Variants in DMD observed in about 807,000 individuals in gnomAD.
The protein encoded by DMD is mutant dystrophin.
DMD carries 63 observed loss-of-function variants against 330.1 expected under a neutral mutation model. That is an observed-to-expected ratio of 0.19 (90% CI 0.16 to 0.24). The LOEUF is 0.24. Ranked by LOEUF, DMD falls within the 10% of genes least tolerant of loss-of-function variation. The pLI is 1.00. For missense variants in DMD, 3,344 were observed against 2,684.1 expected, an observed-to-expected ratio of 1.25 and a Z score of -5.43; for synonymous variants, 1,223 against 959.8, an observed-to-expected ratio of 1.27 and a Z score of -5.07.
intron 55 of DMD, among the ~76,000 whole-genome samples, chrX:31,601,723 A>G (rs185029679): frequency 1.7e-4 from 19 of 111,939 alleles, no homozygotes; most frequent in Non-Finnish European, 7.5e-5. Flanking sequence ...GTAAAAAAGG[A>G]AAAAGGTGGT....
chrX:31,551,977 G>A (rs1420881895), intron 55 of DMD, among the ~76,000 whole-genome samples: 2 of 111,991 alleles, frequency 1.8e-5, no homozygotes, highest in African/African-American at 3.2e-5. Context: ...CCTAACTTTC[G>A]ACACATAATC....
intron 7 of DMD, among the ~76,000 whole-genome samples, chrX:32,702,380 C>T (rs1296765776): frequency 9.0e-6 from 1 of 111,010 alleles, no homozygotes; most frequent in Non-Finnish European, 1.9e-5. Context: ...GAAGAGTATT[C>T]GGGGCAGTGG....
At chrX:31,415,889 C>G (rs752392566) in intron 60 of DMD, among the ~76,000 whole-genome samples, 2 of 110,854 alleles carry the variant, frequency 1.8e-5, no homozygotes, top group Non-Finnish European at 3.8e-5. Context: ...CCAGGGGATT[C>G]TGATATGTGG....
At chrX:32,684,510 C>G (rs1453564901) in intron 9 of DMD, among the ~76,000 whole-genome samples, 1 of 111,110 alleles carries the variant, frequency 9.0e-6, no homozygotes, top group Non-Finnish European at 1.9e-5. Flanking sequence ...GATTATTACT[C>G]CTAAATTTAA....
At chrX:31,687,148 G>T (rs1237674311) in intron 52 of DMD, among the ~76,000 whole-genome samples, 1 of 111,406 alleles carries the variant, frequency 9.0e-6, no homozygotes, top group African/African-American at 3.3e-5. Flanking sequence ...GGCCTTGAAC[G>T]TTGAATAACC....
chrX:33,014,380 C>T (rs2093759597), intron 2 of DMD, among the ~76,000 whole-genome samples: 1 of 112,012 alleles, frequency 8.9e-6, no homozygotes, highest in African/African-American at 3.2e-5. Context: ...AGCATATCAG[C>T]TATGACCAAA....
chrX:32,953,148 A>AAAG lies in DMD; in HGVS notation c.93+66988_93+66990dup, dbSNP rs1167865998. On this transcript the variant is annotated intron_variant, in intron 2 of 78. Coordinates refer to ENST00000357033, the MANE Select transcript of DMD (RefSeq NM_004006.3). ...AGACTCCACCAAAAAAAAAAAAAAAAAAGAAGAAGAAAAGAAATTTAAGCG... is the reference window on the plus strand; with the variant it reads ...AGACTCCACCAAAAAAAAAAAAAAAAAAGAAGAAGAAGAAAAGAAATTTAAGCG... Among the ~76,000 whole-genome samples the AAAG allele has an allele frequency of 1.5e-4, 16 of 107,340 alleles. 1 individual carries two copies. The highest frequency in any genetic ancestry group is 4.0e-4 in the South Asian group (1 of 2,482). The allele number at this position is 107,340 out of a possible 115,157, so 93.2% of individuals were successfully genotyped here.
chrX:33,062,044 A>C (rs2094587421), intron 1 of DMD, among the ~76,000 whole-genome samples: 1 of 112,326 alleles, frequency 8.9e-6, no homozygotes, highest in Admixed American at 9.5e-5. Flanking sequence ...CTCTTCTCAT[A>C]GATCTGTAAG....
At chrX:32,309,209 C>T (rs1459639061) in intron 42 of DMD, among the ~76,000 whole-genome samples, 1 of 111,522 alleles carries the variant, frequency 9.0e-6, no homozygotes, top group Non-Finnish European at 1.9e-5. Context: ...TATATTCATA[C>T]AGGCAAATGT....
At chrX:32,829,038 T>G (rs892831035) in intron 4 of DMD, among the ~76,000 whole-genome samples, 1 of 111,607 alleles carries the variant, frequency 9.0e-6, no homozygotes, top group African/African-American at 3.2e-5. Context: ...GCTTACCACT[T>G]GCAAAATGTG....
chrX:31,135,584 G>A (rs2035119369), intron 76 of DMD, among the ~76,000 whole-genome samples: 1 of 111,868 alleles, frequency 8.9e-6, no homozygotes, highest in Non-Finnish European at 1.9e-5. Context: ...GATATTCACT[G>A]GGAATGGAAA....
At chrX:32,621,090 T>A (rs1394833714) in intron 11 of DMD, among the ~76,000 whole-genome samples, 7 of 111,588 alleles carry the variant, frequency 6.3e-5, no homozygotes, top group African/African-American at 2.3e-4. Flanking sequence ...ATTAGTTGGT[T>A]ATAATGTGAT....
rs185804229 is a variant in DMD at position 31,536,411 on chromosome X, C to G, written c.8218-28958G>C. On this transcript the variant is annotated intron_variant, in intron 55 of 78. Transcript: ENST00000357033. ...AAGGAAAAGAGGTAGAAATAAGAAG[C>G]ACAAGAAGATTGTGAACCAGTTTTC... 1.3e-4 allele frequency among the ~76,000 whole-genome samples: 14 copies of G among 111,447 alleles called. No homozygotes were observed. In the East Asian group the frequency reaches 4.0e-3, roughly 32 times the overall value.
chrX:31,511,380 G>A (rs1266997120), intron 55 of DMD, among the ~76,000 whole-genome samples: 5 of 102,876 alleles, frequency 4.9e-5, no homozygotes, highest in Non-Finnish European at 9.8e-5. Context: ...TGTGCACAAC[G>A]TGCAGGTTAG....
intron 69 of DMD, among the ~76,000 whole-genome samples, chrX:31,179,180 A>G (rs938587638): frequency 2.7e-5 from 3 of 112,929 alleles, no homozygotes; most frequent in Non-Finnish European, 5.6e-5. Flanking sequence ...AAAACTACTT[A>G]GTACAAAATG....
intron 62 of DMD, among the ~76,000 whole-genome samples, chrX:31,275,996 C>G (rs2052081198): frequency 8.9e-6 from 1 of 112,318 alleles, no homozygotes; most frequent in Admixed American, 9.4e-5. Context: ...AAACCCAGCA[C>G]TAAGGAAATA....
intron 2 of DMD, among the ~76,000 whole-genome samples, chrX:32,901,792 TGTGTAAAGCAA>T (rs1253715326): frequency 9.1e-6 from 1 of 110,432 alleles, no homozygotes; most frequent in Non-Finnish European, 1.9e-5. Context: ...TGTCTGAACA[TGTGTAAAGCAA>T]GGGGTCAGTT....
intron 1 of DMD, among the ~76,000 whole-genome samples, chrX:33,029,271 T>C (rs182075693): frequency 1.0e-3 from 113 of 112,169 alleles, no homozygotes; most frequent in African/African-American, 2.7e-3. Flanking sequence ...AACTGAAATA[T>C]TGCTACTTAT....
chrX:31,870,660 C>T (rs1208521565), intron 48 of DMD, among the ~76,000 whole-genome samples: 1 of 112,098 alleles, frequency 8.9e-6, no homozygotes, highest in Non-Finnish European at 1.9e-5. Context: ...TGTGAACACA[C>T]ACAGTGTTCA....
Sources: allele counts gnomAD v4.1 joint callset (sites outside exome capture counted in the v4.1 genomes callset), GRCh38; gene constraint gnomAD v4.1.1; transcripts MANE v1.5; gene names NCBI Gene and HGNC (gene_info 2026-07-23, HGNC 2026-07-21).